Variants in DCBLD2 observed in about 807,000 individuals in gnomAD.
The protein encoded by DCBLD2 is discoidin, CUB and LCCL domain containing 2.
DCBLD2 carries 54 observed loss-of-function variants against 86.8 expected under a neutral mutation model. The observed-to-expected ratio is 0.62, with a 90% CI of 0.50 to 0.78. The LOEUF (loss-of-function observed/expected upper bound fraction) is 0.78. Among genes scored for constraint, DCBLD2 ranks in the 30% least tolerant of loss-of-function variants. DCBLD2 has a pLI of 0.00. For synonymous variants in DCBLD2, 354 were observed against 341.3 expected (o/e 1.04, Z -0.41); for missense variants, 908 against 954.2 (o/e 0.95, Z 0.64).
In DCBLD2 at chr3:98,799,244, G is replaced by A. The variant is rs1234975438; in HGVS notation, c.*128C>T. 1 of 1,016,072 alleles carries A rather than the reference G, an allele frequency of 9.8e-7. No homozygotes were observed. The highest frequency in any genetic ancestry group is 2.6e-5 in the East Asian group (1 of 38,756). The allele number at this position is 1,016,072 out of a possible 1,614,324, so 62.9% of individuals were successfully genotyped here. On this transcript the variant is annotated 3_prime_UTR_variant, in exon 16 of 16. Transcript: ENST00000326840. ...AAGATTAGTAGTTTCCTGTACCTCA[G>A]TCACCACATTTTCCCCAACCACTTC... is the stretch of plus-strand genomic sequence containing the variant.
chr3:98,898,674 CTTCTT>C (rs1281400637), intron 1 of DCBLD2, among the ~76,000 whole-genome samples: 8 of 152,054 alleles, frequency 5.3e-5, no homozygotes. Context: ...TTTAAACAGA[CTTCTT>C]TTCAGGTTAT....
At chr3:98,896,067 G>A (rs1177228334) in intron 1 of DCBLD2, among the ~76,000 whole-genome samples, 1 of 152,232 alleles carries the variant, frequency 6.6e-6, no homozygotes. Flanking sequence ...TTGAGGGAAC[G>A]TGCATCTTGG....
At chr3:98,819,582 T>C in intron 7 of DCBLD2, 165 bp from the exon 8 acceptor site, 2 of 700,694 alleles carry the variant, frequency 2.9e-6, no homozygotes, top group South Asian at 1.9e-5. Flanking sequence ...CTTGGGCATA[T>C]GTCTTTGTGT....
intron 3 of DCBLD2, among the ~76,000 whole-genome samples, chr3:98,846,508 T>A (rs1367689246): frequency 6.6e-6 from 1 of 152,196 alleles, no homozygotes; most frequent in Admixed American, 6.5e-5. Flanking sequence ...CAGTGTTGTC[T>A]TGAATATAGT....
At chr3:98,809,523 A>C (rs991130774) in intron 12 of DCBLD2, among the ~76,000 whole-genome samples, 1 of 152,118 alleles carries the variant, frequency 6.6e-6, no homozygotes, top group Admixed American at 6.6e-5. Flanking sequence ...CAGAGGATAC[A>C]GATAGGTTTG....
In DCBLD2 at chr3:98,800,724, G is replaced by T; in HGVS notation, c.1721-8C>A. ...TCATTCCTTTCCACCAACCTTCATT[G>T]TGACGGCAAGCCAAAGAGACCATTA... On this transcript the variant is annotated splice_region_variant and splice_polypyrimidine_tract_variant and intron_variant, in intron 14 of 15. Transcript: ENST00000326840. 1 of 1,613,780 alleles carries T rather than the reference G, an allele frequency of 6.2e-7. No homozygotes were observed. The highest frequency in any genetic ancestry group is 1.3e-5 in the African/African-American group (1 of 74,998).
chr3:98,893,897 T>C (rs144485594), intron 1 of DCBLD2, among the ~76,000 whole-genome samples: 1 of 152,316 alleles, frequency 6.6e-6, no homozygotes, highest in African/African-American at 2.4e-5. Context: ...CAAAGTGAGA[T>C]AGTCTGCTAA....
At chr3:98,885,729 A>G (rs148363645) in intron 1 of DCBLD2, among the ~76,000 whole-genome samples, 5 of 151,672 alleles carry the variant, frequency 3.3e-5, no homozygotes, top group African/African-American at 1.2e-4. Context: ...AAAATTGGGA[A>G]AACATTCTTG....
intron 1 of DCBLD2, among the ~76,000 whole-genome samples, chr3:98,890,748 C>T (rs533475002): frequency 2.6e-5 from 4 of 152,166 alleles, no homozygotes; most frequent in Admixed American, 1.3e-4. Context: ...AACTGCATCT[C>T]GCAGACCTTA....
At position 98,881,673 on chromosome 3, in the gene DCBLD2, T is replaced by C. The variant is rs373949122; in HGVS notation, c.300A>G (p.Glu100=). The change falls in exon 2 of 16, where the codon GAA becomes GAG. Residue 100 remains glutamate, a synonymous_variant. Transcript: ENST00000326840. ...PQTYPNSTVC[E]WEIRVKMGER... is the part of the protein sequence containing the mutation. ...CTCCCATCTTTACACGGATCTCCCA[T>C]TCACAAACAGTGCTGTTGGGATAGG... 1.9e-6 allele frequency: 3 copies of C among 1,613,862 alleles called. No homozygotes were observed. The African/African-American group carries it at 4.0e-5, about 22-fold the overall frequency.
intron 3 of DCBLD2, among the ~76,000 whole-genome samples, chr3:98,826,800 A>G (rs530099544): frequency 8.6e-4 from 131 of 152,320 alleles, no homozygotes; most frequent in African/African-American, 2.8e-3. Context: ...AAAACCTGGA[A>G]GAAGACCCCA....
chr3:98,856,052 G>A (rs1942925851), intron 2 of DCBLD2, among the ~76,000 whole-genome samples: 1 of 152,104 alleles, frequency 6.6e-6, no homozygotes, highest in African/African-American at 2.4e-5. Flanking sequence ...AACCAGATGT[G>A]GTGCCAAGCA....
intron 3 of DCBLD2, among the ~76,000 whole-genome samples, chr3:98,829,301 T>G (rs1295132959): frequency 1.3e-5 from 2 of 152,188 alleles, no homozygotes; most frequent in Admixed American, 6.5e-5. Context: ...CTTTTAACTT[T>G]ATTTTAGGTT....
Position 98,796,963 on chromosome 3 carries a change from T to C in DCBLD2, c.*2409A>G, listed in dbSNP as rs545802309. The C allele has an allele frequency of 1.2e-4, 19 of 152,032 alleles. 1 individual carries two copies. The highest frequency in any genetic ancestry group is 4.6e-4 in the African/African-American group (19 of 41,312). 9.4% of individuals were successfully genotyped at this position (152,032 alleles called of 1,614,324 possible). On this transcript the variant is annotated 3_prime_UTR_variant, in exon 16 of 16. Transcript: ENST00000326840. Reference sequence around the variant, plus strand: ...AAATTCAAGGGAATTTTGTCAGATATGGTTACTTTCACATTTTCAGTTGTT... The same window carrying C: ...AAATTCAAGGGAATTTTGTCAGATACGGTTACTTTCACATTTTCAGTTGTT...
Position 98,853,986 on chromosome 3 carries a change from T to A in DCBLD2, c.434-4388A>T, listed in dbSNP as rs1321216833. ...TTTACAAACTTATTTACGAACAGGTTTTTTTTTTCTTTTTTTAACTAGTAT... is the reference window on the plus strand; with the variant it reads ...TTTACAAACTTATTTACGAACAGGTATTTTTTTTCTTTTTTTAACTAGTAT... On this transcript the variant is annotated intron_variant, in intron 2 of 15. Coordinates refer to ENST00000326840, the MANE Select transcript of DCBLD2 (RefSeq NM_080927.4). Among the ~76,000 whole-genome samples, 4 of 151,418 alleles carry A rather than the reference T, an allele frequency of 2.6e-5. No individual in the cohort carries two copies. In the East Asian group the frequency reaches 5.8e-4, roughly 22 times the overall value.
intron 1 of DCBLD2, 55 bp from the exon 2 acceptor site, chr3:98,881,822 A>G: frequency 1.3e-6 from 2 of 1,523,552 alleles, no homozygotes; most frequent in Admixed American, 2.0e-5. Flanking sequence ...TACTTCCTCT[A>G]TAATGATTTT....
In DCBLD2 at chr3:98,881,820, C is replaced by T. The variant is rs554762685; in HGVS notation, c.206-53G>A. The T allele has an allele frequency of 7.1e-4, 1,088 of 1,526,942 alleles. 8 individuals carry two copies. In the African/African-American group the frequency reaches 0.013, roughly 18 times the overall value. 94.6% of individuals were successfully genotyped at this position (1,526,942 alleles called of 1,614,324 possible). ...ATTATTCTCACATATTTTACTTCCT[C>T]TATAATGATTTTTTTGTGAAGATTT... is the stretch of plus-strand genomic sequence containing the variant. On this transcript the variant is annotated intron_variant, in intron 1 of 15. Coordinates refer to ENST00000326840, the MANE Select transcript of DCBLD2 (RefSeq NM_080927.4).
intron 6 of DCBLD2, 91 bp from the exon 7 acceptor site, chr3:98,820,379 C>T (rs1942097476): frequency 2.0e-6 from 2 of 978,562 alleles, no homozygotes; most frequent in East Asian, 3.0e-5. Flanking sequence ...TTGGTTCCCC[C>T]CACCCAATAA....
At chr3:98,825,643 T>TTATATATATATATATACA (rs1942202999) in intron 3 of DCBLD2, among the ~76,000 whole-genome samples, 1 of 115,100 alleles carries the variant, frequency 8.7e-6, no homozygotes, top group South Asian at 3.1e-4. Context: ...ATATGTGTAT[T>TTATATATATATATATACA]TATATATATA....
Sources: allele counts gnomAD v4.1 joint callset (sites outside exome capture counted in the v4.1 genomes callset), GRCh38; gene constraint gnomAD v4.1.1; transcripts MANE v1.5; gene names NCBI Gene and HGNC (gene_info 2026-07-23, HGNC 2026-07-21).